RSPH3: variants seen among roughly 807,000 people sequenced by gnomAD.
RSPH3 encodes radial spoke head protein 3 homolog.
Under a neutral mutation model 43.8 loss-of-function variants are expected in RSPH3, and 21 were observed. The observed-to-expected ratio is 0.48, with a 90% CI of 0.34 to 0.69. The LOEUF (loss-of-function observed/expected upper bound fraction) is 0.69, where lower values mean the gene tolerates loss of function less well. RSPH3 is among the 30% of genes least tolerant of loss of function. The pLI, the probability that RSPH3 is intolerant of heterozygous loss-of-function variation, is 0.01. For missense variants in RSPH3, 487 were observed against 516.0 expected, an observed-to-expected ratio of 0.94 and a Z score of 0.54; for synonymous variants, 173 against 179.8, an observed-to-expected ratio of 0.96 and a Z score of 0.30.
In RSPH3 at chr6:158,975,975, G is replaced by A. The variant is rs1246740676; in HGVS notation, c.*1563C>T. On this transcript the variant is annotated 3_prime_UTR_variant, in exon 8 of 8. Transcript: ENST00000367069. ...AGGTGGGCAGATCACTTGAGCCCAG[G>A]AGTTGGAGACCAGCCTGGGCAACAC... The A allele has an allele frequency of 6.5e-6, 1 of 153,244 alleles. No individual in the cohort carries two copies. Among genetic ancestry groups the A allele is most frequent in the African/African-American group, 2.4e-5 (1 of 41,452 alleles). 9.5% of individuals were successfully genotyped at this position (153,244 alleles called of 1,614,324 possible). A position where few individuals can be genotyped will look rare whatever the true frequency, so the allele number is the denominator to read the frequency against.
chr6:158,986,508 A>C, intron 2 of RSPH3, 87 bp from the exon 3 acceptor site: 1 of 1,000,116 alleles, frequency 1.0e-6, no homozygotes, highest in Non-Finnish European at 1.5e-6. Flanking sequence ...ATTCCTGAGT[A>C]GTATAAAGGC....
Position 158,982,576 on chromosome 6 carries a change from G to C in RSPH3, c.605C>G (p.Ala202Gly), listed in dbSNP as rs1230523639. The C allele has an allele frequency of 6.2e-7, 1 of 1,613,434 alleles. No homozygotes were observed. Among genetic ancestry groups the C allele is most frequent in the African/African-American group, 1.3e-5 (1 of 74,726 alleles). Residue 202 changes from alanine (A) to glycine (G), a missense_variant, in exon 5 of 8, where the codon GCC becomes GGC. By Grantham distance (60) the Ala-to-Gly change is moderately conservative. Coordinates refer to ENST00000367069, the MANE Select transcript of RSPH3 (RefSeq NM_031924.8). Reference sequence around the variant, plus strand: ...TAGTTCTTCATACTCACGCTGACTGGCCCGCAGGTTAGCCAGCTCTTCTTC... The same window carrying C: ...TAGTTCTTCATACTCACGCTGACTGCCCCGCAGGTTAGCCAGCTCTTCTTC... ...MEEEELANLR[A>G]SQREYEELRN...
chr6:158,967,010 T>C, the RSPH3 span, among the ~76,000 whole-genome samples: 1 of 151,894 alleles, frequency 6.6e-6, no homozygotes, highest in East Asian at 1.9e-4. Context: ...TTTTGGCATA[T>C]TGTATTTTTT....
downstream of RSPH3, among the ~76,000 whole-genome samples, chr6:158,970,183 T>C (rs1777680093): frequency 6.6e-6 from 1 of 152,170 alleles, no homozygotes; most frequent in African/African-American, 2.4e-5. Context: ...TTTCTGTTGC[T>C]GTTTGTTATT....
the RSPH3 span, among the ~76,000 whole-genome samples, chr6:158,965,737 C>T: frequency 6.6e-5 from 10 of 152,112 alleles, no homozygotes; most frequent in East Asian, 1.9e-4. Flanking sequence ...CTTTCCAATC[C>T]GGATGACTTT....
rs752268377 is a variant in RSPH3, at chr6:158,983,674, T to C, written c.480A>G (p.Ile160Met). The C allele has an allele frequency of 2.0e-5, 32 of 1,613,198 alleles. No individual in the cohort carries two copies. The East Asian group carries it at 4.5e-4, about 22-fold the overall frequency. ...GGATGTACTGTACCTCTCCTTCTAG[T>C]ATTTGGGTGGCCACATCTTTGCCAG... ...AKTGKDVATQ[I>M]LEGELFDFDL... Residue 160 changes from isoleucine to methionine, a missense_variant, in exon 4 of 8, where the codon ATA becomes ATG. Physicochemically the swap from Ile to Met is conservative, Grantham distance 10. Transcript: ENST00000367069.
rs1435378334 is a variant in RSPH3, at chr6:158,973,175, A to T, written c.*4363T>A. The T allele has an allele frequency of 6.6e-6, 1 of 152,358 alleles. No homozygotes were observed. Among genetic ancestry groups the T allele is most frequent in the Non-Finnish European group, 1.5e-5 (1 of 68,026 alleles). The allele number at this position is 152,358 out of a possible 1,614,324, so 9.4% of individuals were successfully genotyped here. ...TCTTTATGCTAAATAAATTAAATGAAGTAAACAGCCATGGCTATTGAACTA... is the reference window on the plus strand; with the variant it reads ...TCTTTATGCTAAATAAATTAAATGATGTAAACAGCCATGGCTATTGAACTA... On this transcript the variant is annotated 3_prime_UTR_variant, in exon 8 of 8. Coordinates refer to ENST00000367069, the MANE Select transcript of RSPH3 (RefSeq NM_031924.8).
chr6:158,970,073 G>T (rs970023369), downstream of RSPH3, among the ~76,000 whole-genome samples: 1 of 147,222 alleles, frequency 6.8e-6, no homozygotes, highest in Non-Finnish European at 1.5e-5. Flanking sequence ...TGCCTGCCTT[G>T]TACTTTTTTC....
chr6:158,991,634 G>A (rs1778411458), intron 2 of RSPH3, among the ~76,000 whole-genome samples: 2 of 152,188 alleles, frequency 1.3e-5, no homozygotes, highest in Admixed American at 6.5e-5. Context: ...CAGAAAGAGT[G>A]GGGCACTGAC....
the RSPH3 span, among the ~76,000 whole-genome samples, chr6:158,967,834 C>T: frequency 2.0e-5 from 3 of 151,684 alleles, no homozygotes; most frequent in Non-Finnish European, 3.0e-5. Context: ...ATTTCTTCAC[C>T]TCTTGTAACT....
In RSPH3 at chr6:158,978,338, T is replaced by C. The variant is rs1777920346; in HGVS notation, c.868A>G (p.Ile290Val). 2 of 1,451,204 alleles carry C rather than the reference T, an allele frequency of 1.4e-6. No homozygotes were observed. Among genetic ancestry groups the C allele is most frequent in the East Asian group, 4.6e-5 (2 of 43,784 alleles). 89.9% of individuals were successfully genotyped at this position (1,451,204 alleles called of 1,614,324 possible). ...TTCATTAGCCATGGAAGAAATCCTA[T>C]CTCAATATCTGTAATAAAAGAATTC... ...FYDPIERDIEIGFLPWLMNEV... is the reference protein window; with the variant it reads ...FYDPIERDIEVGFLPWLMNEV... Residue 290 changes from isoleucine to valine, a missense_variant, in exon 7 of 8, where the codon ATA becomes GTA. Ile to Val is a conservative substitution (Grantham distance 29). Transcript: ENST00000367069.
chr6:158,969,409 A>G (rs1393202255), downstream of RSPH3, among the ~76,000 whole-genome samples: 1 of 152,240 alleles, frequency 6.6e-6, no homozygotes, highest in Non-Finnish European at 1.5e-5. Context: ...GTACATGAAA[A>G]GTAATTTTTG....
chr6:158,995,691 T>C (rs1157920451), intron 1 of RSPH3, among the ~76,000 whole-genome samples: 1 of 152,140 alleles, frequency 6.6e-6, no homozygotes, highest in Admixed American at 6.5e-5. Context: ...GCCTCCTGGG[T>C]TCATGCCATT....
chr6:158,979,884 G>T (rs1777974712), intron 6 of RSPH3, among the ~76,000 whole-genome samples: 1 of 152,120 alleles, frequency 6.6e-6, no homozygotes, highest in Admixed American at 6.5e-5. Context: ...ACTTTGAGGG[G>T]ATACAGACAG....
In RSPH3 at chr6:158,978,324, TG is replaced by T; in HGVS notation, c.881del (p.Pro294HisfsTer3). 1 of 1,540,322 alleles carries T rather than the reference TG, an allele frequency of 6.5e-7. No homozygotes were observed. The highest frequency in any genetic ancestry group is 9.0e-7 in the Non-Finnish European group (1 of 1,115,442). On this transcript the variant is annotated frameshift_variant, in exon 7 of 8. Coordinates refer to ENST00000367069, the MANE Select transcript of RSPH3 (RefSeq NM_031924.8). LOFTEE classifies it high-confidence loss of function. ...TTTTTTCAACTTCATTCATTAGCCA[TG>T]GAAGAAATCCTATCTCAATATCTGT... Reference protein sequence around the residue: ...IERDIEIGFLPWLMNEVEKTM... With the variant: ...IERDIEIGFLXWLMNEVEKTM...
intron 3 of RSPH3, 95 bp from the exon 4 acceptor site, chr6:158,983,902 G>A (rs181489242): frequency 2.4e-5 from 20 of 838,694 alleles, no homozygotes; most frequent in Non-Finnish European, 3.9e-5. Flanking sequence ...GGGAGGCCGA[G>A]GAGGGTGCAT....
chr6:158,993,284 A>AT (rs1778480407), intron 2 of RSPH3, among the ~76,000 whole-genome samples: 1 of 151,940 alleles, frequency 6.6e-6, no homozygotes, highest in Non-Finnish European at 1.5e-5. Flanking sequence ...CACCCAGCTA[A>AT]TTTTTGTACT....
rs1335462904 is a variant in RSPH3 at position 158,976,385 on chromosome 6, G to C, written c.*1153C>G. The stretch of plus-strand genomic sequence containing the variant: ...CTATGCTACAGCACAGTCATAATAT[G>C]TAATACCTTAACCATATTTTGACAA... On this transcript the variant is annotated 3_prime_UTR_variant, in exon 8 of 8. Transcript: ENST00000367069. 2 of 152,058 alleles carry C rather than the reference G, an allele frequency of 1.3e-5. No homozygotes were observed. The highest frequency in any genetic ancestry group is 2.9e-5 in the Non-Finnish European group (2 of 68,004). The allele number at this position is 152,058 out of a possible 1,614,324, so 9.4% of individuals were successfully genotyped here.
rs1320827284 is a variant in RSPH3 at position 158,982,744 on chromosome 6, AC to A, written c.493-57del. 2.0e-5 allele frequency: 24 copies of A among 1,200,544 alleles called. No homozygotes were observed. In the East Asian group the frequency reaches 5.2e-4, roughly 26 times the overall value. 74.4% of individuals were successfully genotyped at this position (1,200,544 alleles called of 1,614,324 possible). On this transcript the variant is annotated intron_variant, in intron 4 of 7. Coordinates refer to ENST00000367069, the MANE Select transcript of RSPH3 (RefSeq NM_031924.8). Reference sequence around the variant, plus strand: ...ATTTTAATTACGAATCAAATGCTCAACAAAAATATAATGAATAGCAATAACA... The same window carrying A: ...ATTTTAATTACGAATCAAATGCTCAAAAAAATATAATGAATAGCAATAACA...
Sources: allele counts gnomAD v4.1 joint callset (sites outside exome capture counted in the v4.1 genomes callset), GRCh38; gene constraint gnomAD v4.1.1; transcripts MANE v1.5; gene names NCBI Gene and HGNC (gene_info 2026-07-23, HGNC 2026-07-21).